COL13A1: variants seen among roughly 807,000 people sequenced by gnomAD.
COL13A1 encodes the protein collagen alpha-1(XIII) chain.
A neutral mutation model predicts 130.9 loss-of-function variants in COL13A1; 89 were observed. The observed-to-expected ratio is 0.68, with a 90% confidence interval of 0.57 to 0.81. The LOEUF is 0.81. COL13A1 is among the 30% of genes least tolerant of loss of function. The pLI is 0.00. For missense variants in COL13A1, 879 were observed against 934.6 expected (o/e 0.94, Z 0.78); for synonymous variants, 402 against 341.6 (o/e 1.18, Z -1.95).
In COL13A1 at chr10:69,897,437, C is replaced by G. The variant is rs372658339; in HGVS notation, c.685-1260C>G. 13 of 1,609,964 alleles carry G rather than the reference C, an allele frequency of 8.1e-6. No homozygotes were observed. The African/African-American group carries it at 1.7e-4, about 22-fold the overall frequency. ...TGGGCTCTCCCCTCACGGTCCCTGT[C>G]GCCCTGTCTCTGCCACCTCCATCCC... is the stretch of plus-strand genomic sequence containing the variant. On this transcript the variant is annotated intron_variant, in intron 13 of 40. Coordinates refer to ENST00000645393, the MANE Select transcript of COL13A1 (RefSeq NM_001368882.1).
chr10:69,878,279 C>A (rs2059804242), intron 6 of COL13A1, among the ~76,000 whole-genome samples: 1 of 152,320 alleles, frequency 6.6e-6, no homozygotes, highest in East Asian at 1.9e-4. Context: ...TCCCAGCTTT[C>A]CCAGCTGAGG....
In COL13A1 at chr10:69,802,270, T is replaced by C; in HGVS notation, c.-154T>C. ...GCACTTCCTCTCCTACTGCTAATTT[T>C]TCCGTCCTCTTTGCCGGGAGCAGCG... On this transcript the variant is annotated 5_prime_UTR_variant, in exon 1 of 41. Coordinates refer to ENST00000645393, the MANE Select transcript of COL13A1 (RefSeq NM_001368882.1). 1.1e-6 allele frequency: 1 copy of C among 929,368 alleles called. No individual in the cohort carries two copies. Among genetic ancestry groups the C allele is most frequent in the Non-Finnish European group, 1.5e-6 (1 of 680,972 alleles). The allele number at this position is 929,368 out of a possible 1,614,324, so 57.6% of individuals were successfully genotyped here.
rs1286058004 is a variant in COL13A1 at position 69,846,007 on chromosome 10, G to C, written c.365-21791G>C. ...AGTGCCTTGCTGTCTGTTTCCCCAA[G>C]GCCTGGCGCAAGGCCAGTGCCCAGG... On this transcript the variant is annotated intron_variant, in intron 2 of 40. Coordinates refer to ENST00000645393, the MANE Select transcript of COL13A1 (RefSeq NM_001368882.1). Among the ~76,000 whole-genome samples, 3 of 152,370 alleles carry C rather than the reference G, an allele frequency of 2.0e-5. No individual in the cohort carries two copies. In the South Asian group the frequency reaches 6.2e-4, roughly 32 times the overall value.
At chr10:69,876,705 GA>G (rs2059605946) in intron 5 of COL13A1, among the ~76,000 whole-genome samples, 1 of 152,194 alleles carries the variant, frequency 6.6e-6, no homozygotes, top group Non-Finnish European at 1.5e-5. Flanking sequence ...ATGTGGACCT[GA>G]GCCAGTCACC....
In COL13A1 at chr10:69,925,071, G is replaced by C. The variant is rs958272661; in HGVS notation, c.1329+64G>C. 5.6e-6 allele frequency: 8 copies of C among 1,433,188 alleles called. No individual in the cohort carries two copies. In the African/African-American group the frequency reaches 1.0e-4, roughly 18 times the overall value. The allele number at this position is 1,433,188 out of a possible 1,614,324, so 88.8% of individuals were successfully genotyped here. On this transcript the variant is annotated intron_variant, in intron 25 of 40. Transcript: ENST00000645393. Reference sequence around the variant, plus strand: ...GCTGGTAAATCAAAAAAGCATCTGAGACAGGTCTCAATTAATATTTAGAAG... The same window carrying C: ...GCTGGTAAATCAAAAAAGCATCTGACACAGGTCTCAATTAATATTTAGAAG...
intron 15 of COL13A1, 124 bp downstream of exon 15, chr10:69,902,979 TGGGTGAACCATGCAAGG>T: frequency 1.4e-6 from 1 of 694,776 alleles, no homozygotes; most frequent in South Asian, 2.2e-5. Flanking sequence ...CCATTGGATG[TGGGTGAACCATGCAAGG>T]GGCTATTCAT....
intron 3 of COL13A1, among the ~76,000 whole-genome samples, chr10:69,869,865 A>T (rs1233353305): frequency 3.9e-5 from 6 of 152,234 alleles, no homozygotes; most frequent in African/African-American, 1.4e-4. Context: ...CTGAAGGAAT[A>T]TAGGGAAATA....
chr10:69,885,684 T>C (rs11814083), intron 7 of COL13A1, among the ~76,000 whole-genome samples: 32,939 of 152,146 alleles, frequency 0.22, 3,972 homozygotes, highest in East Asian at 0.46. Context: ...TGGAATCCTC[T>C]CCTCCTGACC....
At chr10:69,900,745 T>C (rs1416413277) in intron 14 of COL13A1, among the ~76,000 whole-genome samples, 1 of 152,194 alleles carries the variant, frequency 6.6e-6, no homozygotes, top group Non-Finnish European at 1.5e-5. Context: ...AAAGTGTAGA[T>C]GGTGAGCCCT....
chr10:69,915,780 G>C (rs906058054), intron 17 of COL13A1, among the ~76,000 whole-genome samples: 1 of 152,152 alleles, frequency 6.6e-6, no homozygotes, highest in Admixed American at 6.5e-5. Flanking sequence ...TATCAACCAA[G>C]ACTCCAAATG....
chr10:69,809,821 T>C (rs1447808782), intron 1 of COL13A1, among the ~76,000 whole-genome samples: 1 of 152,254 alleles, frequency 6.6e-6, no homozygotes, highest in Non-Finnish European at 1.5e-5. Context: ...TGATGAGTAC[T>C]CTGAGGGAAG....
chr10:69,833,931 G>C (rs1849413367), intron 2 of COL13A1, among the ~76,000 whole-genome samples: 1 of 152,104 alleles, frequency 6.6e-6, no homozygotes, highest in South Asian at 2.1e-4. Context: ...CTATTTGGTG[G>C]GTAGCAGGAA....
In COL13A1 at chr10:69,875,456, C is replaced by T. The variant is rs11817033; in HGVS notation, c.435+293C>T. Among the ~76,000 whole-genome samples, 9,663 of 152,238 alleles carry T rather than the reference C, an allele frequency of 0.063. 666 individuals carry two copies. Among genetic ancestry groups the T allele is most frequent in the African/African-American group, 0.17 (6,941 of 41,500 alleles). ...CCCTTTGCCAGTCACCTGCTGGGAA[C>T]GGCAGGAACAAACTGAGCCTCGACA... On this transcript the variant is annotated intron_variant, in intron 5 of 40. Transcript: ENST00000645393.
intron 2 of COL13A1, chr10:69,829,121 G>A (rs951056366): frequency 1.7e-5 from 9 of 516,156 alleles, no homozygotes; most frequent in East Asian, 1.5e-4. Flanking sequence ...TCTAAGCCAT[G>A]ACCTGGGCTT....
intron 10 of COL13A1, among the ~76,000 whole-genome samples, chr10:69,892,933 A>G (rs888205142): frequency 8.5e-5 from 13 of 152,106 alleles, no homozygotes; most frequent in Non-Finnish European, 1.8e-4. Flanking sequence ...TGCAGTCCTG[A>G]AACTCCGCCT....
At chr10:69,914,177 C>T (rs1478882884) in intron 17 of COL13A1, among the ~76,000 whole-genome samples, 1 of 152,192 alleles carries the variant, frequency 6.6e-6, no homozygotes, top group Non-Finnish European at 1.5e-5. Flanking sequence ...CAGACACCAC[C>T]TCCTCCCTGC....
chr10:69,880,072 A>G (rs958182596), intron 6 of COL13A1, among the ~76,000 whole-genome samples: 12 of 151,708 alleles, frequency 7.9e-5, no homozygotes, highest in Admixed American at 6.6e-4. Context: ...TGGGCCGGGG[A>G]GAGACTCAGG....
intron 1 of COL13A1, among the ~76,000 whole-genome samples, chr10:69,803,340 G>A (rs1373864150): frequency 6.6e-6 from 1 of 152,230 alleles, no homozygotes. Flanking sequence ...TCTGGAGAAA[G>A]GATGCTTTCT....
intron 2 of COL13A1, among the ~76,000 whole-genome samples, chr10:69,835,692 A>G (rs1184278149): frequency 6.6e-6 from 1 of 152,206 alleles, no homozygotes; most frequent in Non-Finnish European, 1.5e-5. Flanking sequence ...ATAAGCTCTG[A>G]AACATCAGAA....
Sources: allele counts gnomAD v4.1 joint callset (sites outside exome capture counted in the v4.1 genomes callset), GRCh38; gene constraint gnomAD v4.1.1; transcripts MANE v1.5; gene names NCBI Gene and HGNC (gene_info 2026-07-23, HGNC 2026-07-21).